The following FRMPD2 variants were observed in gnomAD, a reference collection of about 807,000 sequenced individuals.
FRMPD2 encodes the protein FERM and PDZ domain-containing protein 2.
In FRMPD2, 96 loss-of-function variants were observed where a neutral mutation model predicts 140.1. The observed-to-expected ratio is 0.69, with a 90% CI of 0.58 to 0.81. The LOEUF (loss-of-function observed/expected upper bound fraction) is 0.81, where lower values mean the gene tolerates loss of function less well. Among genes scored for constraint, FRMPD2 ranks in the 40% least tolerant of loss-of-function variants. FRMPD2 has a pLI of 0.00. For missense variants in FRMPD2, 1,240 were observed against 1,447.4 expected, an observed-to-expected ratio of 0.86 and a Z score of 2.32; for synonymous variants, 449 against 547.6, an observed-to-expected ratio of 0.82 and a Z score of 2.52.
chr10:48,184,435 TG>T (rs1305050636), intron 20 of FRMPD2, 130 bp downstream of exon 20: 9 of 626,164 alleles, frequency 1.4e-5, no homozygotes, highest in Non-Finnish European at 2.6e-5. Context: ...ACTGCTTCTT[TG>T]CAAGCCAACA....
chr10:48,195,083 C>T (rs1838920756), intron 15 of FRMPD2, among the ~76,000 whole-genome samples: 1 of 152,174 alleles, frequency 6.6e-6, no homozygotes, highest in African/African-American at 2.4e-5. Flanking sequence ...GTCATAAGGA[C>T]ACAGGATATA....
At chr10:48,215,613 C>G (rs947296783) in intron 12 of FRMPD2, among the ~76,000 whole-genome samples, 2 of 152,246 alleles carry the variant, frequency 1.3e-5, no homozygotes, top group Non-Finnish European at 2.9e-5. Context: ...CCTTTACATA[C>G]GTGAGAAAGG....
Position 48,206,806 on chromosome 10 carries a change from T to C in FRMPD2, c.1739A>G (p.Asn580Ser), listed in dbSNP as rs1360688870. 1 of 1,614,142 alleles carries C rather than the reference T, an allele frequency of 6.2e-7. No homozygotes were observed. The highest frequency in any genetic ancestry group is 1.7e-5 in the Admixed American group (1 of 60,024). ...AAACCGTAACATTGCAATTCTGCTG[T>C]TGTTTTTCACTTCATAGACTATGAC... ...KGVIVYEVKN[N>S]SRIAMLRFQW... is the part of the protein sequence containing the mutation. The change falls in exon 14 of 29, where the codon AAC (asparagine) becomes AGC (serine). Residue 580 changes from asparagine (N) to serine (S), a missense_variant. Asn to Ser is a conservative substitution (Grantham distance 46). This residue lies in a region of FRMPD2 where 1,161 missense variants were observed against 1,055.9 expected (regional missense o/e 1.10). Transcript: ENST00000374201.
rs1174417852 is a variant in FRMPD2 at position 48,163,601 on chromosome 10, A to G, written c.3608T>C (p.Leu1203Pro). The G allele has an allele frequency of 7.7e-7, 1 of 1,303,238 alleles. No homozygotes were observed. The highest frequency in any genetic ancestry group is 1.5e-5 in the African/African-American group (1 of 66,324). The allele number at this position is 1,303,238 out of a possible 1,614,324, so 80.7% of individuals were successfully genotyped here. ...TCTDSCTSPI[L>P]DQEDSWRDSA... The stretch of plus-strand genomic sequence containing the variant: ...GTCCCTCCAGCTGTCCTCTTGATCC[A>G]GGATGGGGCTGGTACATGAGTCAGT... The change falls in exon 28 of 29, where the codon CTG (leucine) becomes CCG (proline). Residue 1203 changes from leucine to proline, a missense_variant. Leu to Pro is a moderately conservative substitution (Grantham distance 98). Transcript: ENST00000374201.
intron 1 of FRMPD2, among the ~76,000 whole-genome samples, chr10:48,269,018 A>G (rs1428854885): frequency 6.6e-6 from 1 of 152,118 alleles, no homozygotes; most frequent in Admixed American, 6.5e-5. Flanking sequence ...AATATATATA[A>G]TGGCAAAAGG....
At chr10:48,251,718 G>T (rs1448434100) in intron 1 of FRMPD2, 27 bp from the exon 2 acceptor site, 1 of 1,613,188 alleles carries the variant, frequency 6.2e-7, no homozygotes, top group Non-Finnish European at 8.5e-7. Flanking sequence ...CATGTGACAG[G>T]GCCTCTGCAA....
At chr10:48,231,294 A>G (rs1839842279) in intron 10 of FRMPD2, among the ~76,000 whole-genome samples, 1 of 152,236 alleles carries the variant, frequency 6.6e-6, no homozygotes. Context: ...CTCTATGCCT[A>G]TAATGAAAAA....
At chr10:48,160,168 C>T (rs571793063) in intron 28 of FRMPD2, among the ~76,000 whole-genome samples, 7 of 151,700 alleles carry the variant, frequency 4.6e-5, no homozygotes, top group East Asian at 1.9e-4. Flanking sequence ...CTGATAGGCA[C>T]GTAATCCAAC....
At chr10:48,219,576 G>A (rs963859963) in intron 12 of FRMPD2, among the ~76,000 whole-genome samples, 2 of 152,182 alleles carry the variant, frequency 1.3e-5, no homozygotes, top group African/African-American at 2.4e-5. Context: ...CAAGAGATGA[G>A]GGAAGTGCTT....
At chr10:48,200,200 A>AT (rs1839052936) in intron 15 of FRMPD2, among the ~76,000 whole-genome samples, 2 of 150,072 alleles carry the variant, frequency 1.3e-5, no homozygotes, top group Non-Finnish European at 3.0e-5. Flanking sequence ...AAATAAATAA[A>AT]ACAGAGCCAA....
chr10:48,206,618 C>G, intron 14 of FRMPD2, 130 bp downstream of exon 14: 3 of 718,396 alleles, frequency 4.2e-6, no homozygotes, highest in South Asian at 1.9e-5. Context: ...TGCAGGTTAA[C>G]AAACAGACAG....
At chr10:48,240,600 C>A in intron 5 of FRMPD2, 108 bp from the exon 6 acceptor site, 1 of 1,457,682 alleles carries the variant, frequency 6.9e-7, no homozygotes, top group East Asian at 2.3e-5. Flanking sequence ...ATTGTCTGCC[C>A]TATACGGTGA....
chr10:48,221,523 T>C lies in FRMPD2; in HGVS notation c.1455+790A>G, dbSNP rs554186506. On this transcript the variant is annotated intron_variant, in intron 12 of 28. Coordinates refer to ENST00000374201, the MANE Select transcript of FRMPD2 (RefSeq NM_001018071.4). ...GATGAATGCACCAAAATTTCAGTAA[T>C]CAACACTAAAAAACTTATTCATGTA... Among the ~76,000 whole-genome samples the C allele has an allele frequency of 9.2e-5, 14 of 152,242 alleles. No individual in the cohort carries two copies. In the South Asian group the frequency reaches 2.9e-3, roughly 32 times the overall value.
chr10:48,274,639 G>T lies in FRMPD2; in HGVS notation c.-72C>A. 1 of 1,467,278 alleles carries T rather than the reference G, an allele frequency of 6.8e-7. No homozygotes were observed. Among genetic ancestry groups the T allele is most frequent in the Non-Finnish European group, 9.5e-7 (1 of 1,050,224 alleles). 90.9% of individuals were successfully genotyped at this position (1,467,278 alleles called of 1,614,324 possible). ...TTCCAACAAGGAGCAGGGGTCTCTT[G>T]CAAGTCTGTCCGCGGAGCTCCCTGC... On this transcript the variant is annotated 5_prime_UTR_variant, in exon 1 of 29. Transcript: ENST00000374201.
At chr10:48,191,582 T>C (rs1024481312) in intron 16 of FRMPD2, among the ~76,000 whole-genome samples, 1 of 152,196 alleles carries the variant, frequency 6.6e-6, no homozygotes, top group Non-Finnish European at 1.5e-5. Flanking sequence ...GCAATAATTA[T>C]GGATATAGAT....
Position 48,216,068 on chromosome 10 carries a change from C to A in FRMPD2, c.1456-3959G>T, listed in dbSNP as rs566950843. 1.6e-4 allele frequency among the ~76,000 whole-genome samples: 24 copies of A among 152,326 alleles called. No individual in the cohort carries two copies. The East Asian group carries it at 4.2e-3, about 27-fold the overall frequency. On this transcript the variant is annotated intron_variant, in intron 12 of 28. Transcript: ENST00000374201. ...TCCTCTCTGCCTGACTCTCTTCATG[C>A]CAGTTCTTCTCTTGCCTTTGGATTC...
chr10:48,198,358 G>A (rs1329533432), intron 15 of FRMPD2, among the ~76,000 whole-genome samples: 1 of 152,068 alleles, frequency 6.6e-6, no homozygotes, highest in African/African-American at 2.4e-5. Context: ...CAATACAGTA[G>A]GCACATGTGG....
chr10:48,271,972 A>G (rs576575581), intron 1 of FRMPD2, among the ~76,000 whole-genome samples: 1 of 152,318 alleles, frequency 6.6e-6, no homozygotes, highest in East Asian at 1.9e-4. Flanking sequence ...GTATATGGAG[A>G]GGGCAGGGAA....
chr10:48,219,584 C>T (rs2131897865), intron 12 of FRMPD2, among the ~76,000 whole-genome samples: 1 of 152,312 alleles, frequency 6.6e-6, no homozygotes, highest in Admixed American at 6.5e-5. Flanking sequence ...GAGGGAAGTG[C>T]TTCATAAACC....
Sources: gnomAD v4.1 joint callset for allele counts (sites outside exome capture counted in the v4.1 genomes callset) on GRCh38, gnomAD v4.1.1 for gene constraint, gnomAD v4.1.1 regional missense constraint, MANE v1.5 for transcripts, NCBI Gene and HGNC (gene_info 2026-07-23, HGNC 2026-07-21) for gene names.